Variants in ZMYND11 observed in about 807,000 individuals in gnomAD.
ZMYND11 encodes zinc finger MYND domain-containing protein 11.
A neutral mutation model predicts 84.9 loss-of-function variants in ZMYND11; 9 were observed. The ratio of observed to expected loss-of-function variants is 0.11; its 90% CI spans 0.06 to 0.18. The LOEUF is 0.18. ZMYND11 is among the 10% of genes least tolerant of loss of function. ZMYND11 has a pLI of 1.00. For missense variants in ZMYND11, 409 were observed against 761.0 expected, an observed-to-expected ratio of 0.54 and a Z score of 5.44; for synonymous variants, 250 against 244.1, an observed-to-expected ratio of 1.02 and a Z score of -0.23.
At chr10:222,102 A>T (rs1947232664) in intron 4 of ZMYND11, among the ~76,000 whole-genome samples, 1 of 152,194 alleles carries the variant, frequency 6.6e-6, no homozygotes, top group African/African-American at 2.4e-5. Context: ...ATACTTAACT[A>T]TTAAAATACT....
intron 4 of ZMYND11, 26 bp downstream of exon 4, chr10:221,382 C>G (rs779059096): frequency 6.2e-7 from 1 of 1,607,632 alleles, no homozygotes. Flanking sequence ...CTTTCCTGTG[C>G]TGGTTAGAGG....
At chr10:197,705 T>C (rs906505509) in intron 2 of ZMYND11, among the ~76,000 whole-genome samples, 2 of 152,176 alleles carry the variant, frequency 1.3e-5, no homozygotes, top group Non-Finnish European at 2.9e-5. Flanking sequence ...AGTTAACCAT[T>C]GTCTAAGTTG....
rs56058145 is a variant in ZMYND11, at chr10:201,585, T to TAC, written c.117-8284_117-8283dup. Reference sequence around the variant, plus strand: ...ATAATCAGTGGCTGTTACCATGAAATACACACACACACACACACACATTAT... The same window carrying TAC: ...ATAATCAGTGGCTGTTACCATGAAATACACACACACACACACACACACATTAT... On this transcript the variant is annotated intron_variant, in intron 2 of 14. Transcript: ENST00000381604. 5.5e-3 allele frequency among the ~76,000 whole-genome samples: 807 copies of TAC among 146,162 alleles called. 40 individuals are homozygous for TAC. In the East Asian group the frequency reaches 0.1, roughly 18 times the overall value.
At chr10:133,031 G>A (rs1554750277), upstream of ZMYND11, among the ~76,000 whole-genome samples, 1 of 152,132 alleles carries the variant, frequency 6.6e-6, no homozygotes, top group Non-Finnish European at 1.5e-5. Context: ...CAAACCTTTG[G>A]TCCCCAGACC....
chr10:184,560 T>C (rs911540113), intron 2 of ZMYND11, among the ~76,000 whole-genome samples: 1 of 152,190 alleles, frequency 6.6e-6, no homozygotes, highest in Non-Finnish European at 1.5e-5. Context: ...ATTCTGACTT[T>C]TTCTTCTGAT....
At chr10:185,695 C>T (rs1938133052) in intron 2 of ZMYND11, among the ~76,000 whole-genome samples, 1 of 151,006 alleles carries the variant, frequency 6.6e-6, no homozygotes, top group East Asian at 2.0e-4. Flanking sequence ...GGCACCTGTG[C>T]TCCCAGCTAC....
chr10:133,690 A>G (rs958383949), upstream of ZMYND11, among the ~76,000 whole-genome samples: 3 of 152,200 alleles, frequency 2.0e-5, no homozygotes, highest in Non-Finnish European at 4.4e-5. Flanking sequence ...GACTCACTGA[A>G]AGCTCTTCAT....
At chr10:147,146 T>C (rs1235631480) in intron 1 of ZMYND11, among the ~76,000 whole-genome samples, 1 of 152,250 alleles carries the variant, frequency 6.6e-6, no homozygotes, top group African/African-American at 2.4e-5. Context: ...CTAGGATTCT[T>C]CTGGAAGAGT....
intron 10 of ZMYND11, 151 bp downstream of exon 10, chr10:242,290 T>C (rs1490542151): frequency 7.8e-7 from 1 of 1,287,356 alleles, no homozygotes; most frequent in East Asian, 2.4e-5. Flanking sequence ...CCAAGATAAA[T>C]TGTTTCCAGA....
chr10:160,221 C>T (rs76248444), intron 1 of ZMYND11, among the ~76,000 whole-genome samples: 1,611 of 152,314 alleles, frequency 0.011, 24 homozygotes, highest in African/African-American at 0.036. Context: ...ATTTTTTTGG[C>T]TTCCCAATAT....
chr10:190,746 T>A (rs1940167911), intron 2 of ZMYND11, among the ~76,000 whole-genome samples: 1 of 152,196 alleles, frequency 6.6e-6, no homozygotes, highest in Non-Finnish European at 1.5e-5. Context: ...GCCTGAGCAC[T>A]TTATGGATTC....
chr10:134,604 T>C (rs2130998433), upstream of ZMYND11: 1 of 152,372 alleles, frequency 6.6e-6, no homozygotes, highest in Middle Eastern at 3.4e-3. Context: ...AGTAAAGGGC[T>C]GTTCAGACTA....
chr10:246,731 A>T (rs1190538542), intron 10 of ZMYND11, 35 bp from the exon 11 acceptor site: 1 of 1,602,786 alleles, frequency 6.2e-7, no homozygotes, highest in Admixed American at 1.7e-5. Context: ...GCCATTTGGG[A>T]TGTTTCTAAC....
At chr10:203,155 C>G (rs1245161494) in intron 2 of ZMYND11, among the ~76,000 whole-genome samples, 1 of 152,050 alleles carries the variant, frequency 6.6e-6, no homozygotes, top group Non-Finnish European at 1.5e-5. Context: ...CCTACAAAAT[C>G]TAAAACAAGA....
chr10:193,070 T>C (rs1227919800), intron 2 of ZMYND11, among the ~76,000 whole-genome samples: 1 of 152,238 alleles, frequency 6.6e-6, no homozygotes, highest in Admixed American at 6.5e-5. Flanking sequence ...TTCTGCCTAA[T>C]GTCTTATGCT....
Position 252,243 on chromosome 10 carries a change from C to A in ZMYND11, c.1687-105C>A. ...TATTCAGATTCCACAAAAGGTTGAG[C>A]CAGAAAGATCTTTTAAAAGCACCAC... On this transcript the variant is annotated intron_variant, in intron 14 of 14. Transcript: ENST00000381604. This position sits in a 1 kb window ranked among gnomAD's most constrained non-coding sequence, Gnocchi z 4.6. 7.3e-7 allele frequency: 1 copy of A among 1,368,564 alleles called. No individual in the cohort carries two copies. The highest frequency in any genetic ancestry group is 1.0e-6 in the Non-Finnish European group (1 of 1,000,478). 84.8% of individuals were successfully genotyped at this position (1,368,564 alleles called of 1,614,324 possible).
chr10:160,004 A>G (rs1842610497), intron 1 of ZMYND11, among the ~76,000 whole-genome samples: 1 of 152,170 alleles, frequency 6.6e-6, no homozygotes, highest in Non-Finnish European at 1.5e-5. Flanking sequence ...ATTGGTAAAT[A>G]CCCCCAAAGC....
chr10:195,037 T>A (rs1473570062), intron 2 of ZMYND11, among the ~76,000 whole-genome samples: 1 of 152,208 alleles, frequency 6.6e-6, no homozygotes, highest in Non-Finnish European at 1.5e-5. Context: ...TCTTAAGTGT[T>A]GCCAATAGAT....
chr10:226,213 TC>T (rs1201970195), intron 4 of ZMYND11, among the ~76,000 whole-genome samples: 1 of 152,152 alleles, frequency 6.6e-6, no homozygotes, highest in Non-Finnish European at 1.5e-5. Flanking sequence ...ACTACTTGAC[TC>T]CCCACCCTTC....
Sources: allele counts gnomAD v4.1 joint callset (sites outside exome capture counted in the v4.1 genomes callset), GRCh38; gene constraint gnomAD v4.1.1; non-coding constraint Gnocchi (gnomAD v3.1); transcripts MANE v1.5; gene names NCBI Gene and HGNC (gene_info 2026-07-23, HGNC 2026-07-21).